STIM1: variants seen among roughly 807,000 people sequenced by gnomAD.
STIM1 encodes the protein stromal interaction molecule 1.
Under a neutral mutation model 74.7 loss-of-function variants are expected in STIM1, and 25 were observed. The ratio of observed to expected loss-of-function variants is 0.33; its 90% CI spans 0.24 to 0.47. The LOEUF (loss-of-function observed/expected upper bound fraction) is 0.47, where lower values mean the gene tolerates loss of function less well. Among genes scored for constraint, STIM1 ranks in the 20% least tolerant of loss-of-function variants. The pLI is 1.00. For synonymous variants in STIM1, 328 were observed against 348.8 expected, an observed-to-expected ratio of 0.94 and a Z score of 0.66; for missense variants, 728 against 920.8, an observed-to-expected ratio of 0.79 and a Z score of 2.71.
chr11:3,962,769 C>A (rs1378221867), intron 1 of STIM1, among the ~76,000 whole-genome samples: 1 of 152,104 alleles, frequency 6.6e-6, no homozygotes, highest in East Asian at 1.9e-4. Flanking sequence ...TTAGAAAAGT[C>A]TTGCTCTGGG....
chr11:3,904,172 G>C (rs907239096), intron 1 of STIM1, among the ~76,000 whole-genome samples: 55 of 126,616 alleles, frequency 4.3e-4, no homozygotes, highest in Non-Finnish European at 2.9e-4. Context: ...ACTCCAGCCT[G>C]GGTGACAGAG....
At chr11:3,999,408 G>T (rs2093691546) in intron 2 of STIM1, among the ~76,000 whole-genome samples, 1 of 152,218 alleles carries the variant, frequency 6.6e-6, no homozygotes, top group Non-Finnish European at 1.5e-5. Flanking sequence ...TAAGGTGTCT[G>T]GTAGGGAGGG....
rs1041584980 is a variant in STIM1, at chr11:4,041,736, C to T, written c.386-13790C>T. 7.9e-5 allele frequency among the ~76,000 whole-genome samples: 12 copies of T among 152,140 alleles called. No homozygotes were observed. In the East Asian group the frequency reaches 1.4e-3, roughly 17 times the overall value. On this transcript the variant is annotated intron_variant, in intron 3 of 12. Coordinates refer to ENST00000526596, the MANE Select transcript of STIM1 (RefSeq NM_001382567.1). ...TCCCAAGTAGCTGGGACTACAGGTGCGCGCCATCACACACAGCTAATTTTA... is the reference window on the plus strand; with the variant it reads ...TCCCAAGTAGCTGGGACTACAGGTGTGCGCCATCACACACAGCTAATTTTA...
intron 3 of STIM1, among the ~76,000 whole-genome samples, chr11:4,053,110 G>A (rs1337274732): frequency 6.6e-6 from 1 of 152,216 alleles, no homozygotes; most frequent in Non-Finnish European, 1.5e-5. Context: ...TGGAGAAATA[G>A]GAACCCTTTT....
intron 1 of STIM1, among the ~76,000 whole-genome samples, chr11:3,951,060 T>C (rs2093141126): frequency 6.6e-6 from 1 of 152,222 alleles, no homozygotes; most frequent in Non-Finnish European, 1.5e-5. Context: ...CCTGAACTGC[T>C]TTGGCATAGA....
intron 3 of STIM1, among the ~76,000 whole-genome samples, chr11:4,045,762 CTTTTTT>C (rs35939527): frequency 3.8e-5 from 4 of 104,488 alleles, no homozygotes; most frequent in Non-Finnish European, 7.6e-5. Context: ...CTCAACACTT[CTTTTTT>C]TTTTTTTTTT....
chr11:4,048,244 T>TG (rs2094209465), intron 3 of STIM1, among the ~76,000 whole-genome samples: 1 of 152,246 alleles, frequency 6.6e-6, no homozygotes, highest in Non-Finnish European at 1.5e-5. Flanking sequence ...TTTTCAAACT[T>TG]GAAGAATGTA....
chr11:3,924,400 A>G (rs1262477047), intron 1 of STIM1, among the ~76,000 whole-genome samples: 2 of 151,556 alleles, frequency 1.3e-5, no homozygotes, highest in Non-Finnish European at 2.9e-5. Context: ...GGGTTTCACC[A>G]TGTTAGCTAG....
chr11:3,954,758 G>A (rs1339000260), intron 1 of STIM1, among the ~76,000 whole-genome samples: 1 of 152,166 alleles, frequency 6.6e-6, no homozygotes, highest in East Asian at 1.9e-4. Flanking sequence ...CACGTAAAAG[G>A]GAGTATATGG....
chr11:4,002,774 C>T (rs1480874986), intron 2 of STIM1, among the ~76,000 whole-genome samples: 6 of 149,246 alleles, frequency 4.0e-5, no homozygotes, highest in African/African-American at 1.2e-4. Context: ...ACAAAAAACC[C>T]TTCAAAAAAT....
chr11:3,865,943 T>A, intron 1 of STIM1, among the ~76,000 whole-genome samples: 1 of 152,222 alleles, frequency 6.6e-6, no homozygotes, highest in East Asian at 1.9e-4. Context: ...GTGGAGCAGA[T>A]TTCTTTTGTG....
chr11:3,890,223 G>A (rs2091854575), intron 1 of STIM1, among the ~76,000 whole-genome samples: 1 of 152,138 alleles, frequency 6.6e-6, no homozygotes, highest in African/African-American at 2.4e-5. Flanking sequence ...CCTAATGATA[G>A]GTGTTTTGCA....
At chr11:3,983,101 T>A (rs2093522694) in intron 2 of STIM1, among the ~76,000 whole-genome samples, 1 of 151,950 alleles carries the variant, frequency 6.6e-6, no homozygotes, top group Non-Finnish European at 1.5e-5. Context: ...CTGGCTAATG[T>A]TTTTGTGTTT....
chr11:3,858,254 G>GT (rs1269406911), intron 1 of STIM1, among the ~76,000 whole-genome samples: 92 of 138,936 alleles, frequency 6.6e-4, no homozygotes, highest in African/African-American at 2.1e-3. Context: ...TTTGTTTTTT[G>GT]TTTTTCGCCT....
intron 2 of STIM1, among the ~76,000 whole-genome samples, chr11:4,005,499 A>G (rs982549706): frequency 6.8e-6 from 1 of 146,240 alleles, no homozygotes; most frequent in African/African-American, 2.5e-5. Flanking sequence ...CAAACACCGC[A>G]TGTTCTCACT....
chr11:3,907,675 A>G (rs569078299), intron 1 of STIM1, among the ~76,000 whole-genome samples: 2 of 152,336 alleles, frequency 1.3e-5, no homozygotes, highest in East Asian at 1.9e-4. Context: ...AAAATTGTTC[A>G]GTGGCTTTAC....
intron 1 of STIM1, among the ~76,000 whole-genome samples, chr11:3,963,739 A>G (rs1590605553): frequency 6.6e-6 from 1 of 152,228 alleles, no homozygotes; most frequent in Non-Finnish European, 1.5e-5. Flanking sequence ...GGGAAGACAC[A>G]TTAAACCCAG....
At chr11:3,934,946 A>G (rs1590579851) in intron 1 of STIM1, among the ~76,000 whole-genome samples, 2 of 152,240 alleles carry the variant, frequency 1.3e-5, no homozygotes, top group Non-Finnish European at 2.9e-5. Flanking sequence ...CTTGGTTTGC[A>G]GGTTTGGCCC....
intron 2 of STIM1, among the ~76,000 whole-genome samples, chr11:4,014,619 C>A (rs2093877285): frequency 2.0e-5 from 3 of 152,162 alleles, no homozygotes; most frequent in Non-Finnish European, 4.4e-5. Context: ...AATTTTCTGT[C>A]TTGTTTATCT....
Sources: gnomAD v4.1 joint callset for allele counts (sites outside exome capture counted in the v4.1 genomes callset) on GRCh38, gnomAD v4.1.1 for gene constraint, MANE v1.5 for transcripts, NCBI Gene and HGNC (gene_info 2026-07-23, HGNC 2026-07-21) for gene names.